TMEM242: variants seen among roughly 807,000 people sequenced by gnomAD.
TMEM242 encodes transmembrane protein 242, also known as UPF0463 transmembrane protein C6orf35.
TMEM242 carries 10 observed loss-of-function variants against 18.2 expected under a neutral mutation model. The observed-to-expected ratio is 0.55, with a 90% CI of 0.34 to 0.93. TMEM242 has a LOEUF of 0.93. Ranked by LOEUF, TMEM242 falls within the 40% of genes least tolerant of loss-of-function variation. The pLI is 0.02. For synonymous variants in TMEM242, 57 were observed against 69.9 expected, an observed-to-expected ratio of 0.81 and a Z score of 0.92; for missense variants, 186 against 175.5, an observed-to-expected ratio of 1.06 and a Z score of -0.34.
chr6:157,311,141 AGTGTG>A lies in TMEM242; in HGVS notation c.327+7636_327+7640del, dbSNP rs1778053196. Among the ~76,000 whole-genome samples, 2 of 95,876 alleles carry A rather than the reference AGTGTG, an allele frequency of 2.1e-5. 1 individual carries two copies. The highest frequency in any genetic ancestry group is 4.7e-5 in the Non-Finnish European group (2 of 42,432). 62.9% of individuals were successfully genotyped at this position (95,876 alleles called of 152,430 possible). A position where few individuals can be genotyped will look rare whatever the true frequency, so the allele number is the denominator to read the frequency against. ...TCACCTAGCCCCATCATAGTGTCCC[AGTGTG>A]CACTCACCTAGCCCCATCATAGTGT... On this transcript the variant is annotated intron_variant, in intron 3 of 3. Transcript: ENST00000400788.
Position 157,291,573 on chromosome 6 carries a change from A to C in TMEM242, c.*1328T>G, listed in dbSNP as rs1777684906. The C allele has an allele frequency of 6.6e-6, 1 of 152,250 alleles. No individual in the cohort carries two copies. The highest frequency in any genetic ancestry group is 1.5e-5 in the Non-Finnish European group (1 of 68,036). The allele number at this position is 152,250 out of a possible 1,614,324, so 9.4% of individuals were successfully genotyped here. ...TGAAGAGTTTTTGCTACCCGCATTC[A>C]CTGACCAATTTCACAATCCTTTCCT... On this transcript the variant is annotated 3_prime_UTR_variant, in exon 4 of 4. Transcript: ENST00000400788.
chr6:157,313,579 C>A (rs1778287480), intron 3 of TMEM242, among the ~76,000 whole-genome samples: 1 of 150,218 alleles, frequency 6.7e-6, no homozygotes, highest in South Asian at 2.1e-4. Flanking sequence ...ATCATAGTGT[C>A]CCAGTGTGCG....
At chr6:157,304,800 G>C (rs190613100) in intron 3 of TMEM242, among the ~76,000 whole-genome samples, 25 of 152,302 alleles carry the variant, frequency 1.6e-4, no homozygotes, top group Non-Finnish European at 2.5e-4. Flanking sequence ...GCTCTGAGGA[G>C]GTAAATTAAG....
intron 3 of TMEM242, among the ~76,000 whole-genome samples, chr6:157,315,835 C>T (rs782132898): frequency 1.3e-5 from 2 of 152,278 alleles, no homozygotes; most frequent in African/African-American, 4.8e-5. Context: ...CAATACCTCT[C>T]CTTCTTTGGA....
chr6:157,302,602 A>G (rs9346754), intron 3 of TMEM242, among the ~76,000 whole-genome samples: 37,768 of 152,118 alleles, frequency 0.25, 4,778 homozygotes, highest in South Asian at 0.39. Flanking sequence ...TTTATTTACA[A>G]TAAGTCTTGA....
intron 3 of TMEM242, among the ~76,000 whole-genome samples, chr6:157,310,646 T>A (rs62424353): frequency 1.2e-3 from 5 of 4,138 alleles, no homozygotes; most frequent in African/African-American, 1.9e-3. Flanking sequence ...GTCCCAGTGT[T>A]CGCTCACCCG....
intron 3 of TMEM242, among the ~76,000 whole-genome samples, chr6:157,308,229 G>C (rs970093822): frequency 1.7e-4 from 26 of 152,122 alleles, no homozygotes; most frequent in African/African-American, 6.0e-4. Context: ...AGGTGAATAG[G>C]TAAAAATAAT....
At position 157,308,358 on chromosome 6, in the gene TMEM242, T is replaced by A. The variant is rs1777944071; in HGVS notation, c.327+10424A>T. Reference sequence around the variant, plus strand: ...TAAGGCCCTCCAGTTGGTCATAAGGTTACTAAGAAGTGAGCCTAAATATTA... The same window carrying A: ...TAAGGCCCTCCAGTTGGTCATAAGGATACTAAGAAGTGAGCCTAAATATTA... On this transcript the variant is annotated intron_variant, in intron 3 of 3. Transcript: ENST00000400788. Among the ~76,000 whole-genome samples, 3 of 152,136 alleles carry A rather than the reference T, an allele frequency of 2.0e-5. No individual in the cohort carries two copies. In the South Asian group the frequency reaches 6.2e-4, roughly 32 times the overall value.
rs782818794 is a variant in TMEM242, at chr6:157,292,986, C to T, written c.341G>A (p.Arg114Gln). 3.0e-5 allele frequency: 49 copies of T among 1,612,122 alleles called. No individual in the cohort carries two copies. Among genetic ancestry groups the T allele is most frequent in the African/African-American group, 5.3e-5 (4 of 74,822 alleles). The change falls in exon 4 of 4, where the codon CGA becomes CAA. Residue 114 changes from arginine (R) to glutamine (Q), a missense_variant. Arg to Gln is a conservative substitution (Grantham distance 43). Transcript: ENST00000400788. ...TGGAAATATTGATTGCATTTTACTT[C>T]GAAAGTCGTTCATCTAAAAGAAGAA... ...ALGVHSMNDFRSKMQSIFPTI... is the reference protein window; with the variant it reads ...ALGVHSMNDFQSKMQSIFPTI...
chr6:157,309,391 T>C (rs1583561142), intron 3 of TMEM242, among the ~76,000 whole-genome samples: 1 of 152,138 alleles, frequency 6.6e-6, no homozygotes, highest in South Asian at 2.1e-4. Context: ...ATAAATACTG[T>C]TTTTGTTTGT....
At chr6:157,310,537 C>G in intron 3 of TMEM242, among the ~76,000 whole-genome samples, 1 of 149,034 alleles carries the variant, frequency 6.7e-6, no homozygotes, top group Admixed American at 6.6e-5. Flanking sequence ...TCATGGTATC[C>G]CAGTGTGCGC....
chr6:157,313,176 C>CGCTCACCTGGCCTCATCATAGTGCCTCAG (rs1583571110), intron 3 of TMEM242, among the ~76,000 whole-genome samples: 2 of 12,668 alleles, frequency 1.6e-4, no homozygotes, highest in African/African-American at 3.0e-4. Flanking sequence ...TAGTGTCCCA[C>CGCTCACCTGGCCTCATCATAGTGCCTCAG]TGTGCGCTCA....
At position 157,322,694 on chromosome 6, in the gene TMEM242, G is replaced by C. The variant is rs1778515061; in HGVS notation, c.189+11C>G. Reference sequence around the variant, plus strand: ...ATAACAATGCTATGAATGGATTTCAGTGTCACCAACCTTATTGAACCATTC... The same window carrying C: ...ATAACAATGCTATGAATGGATTTCACTGTCACCAACCTTATTGAACCATTC... On this transcript the variant is annotated intron_variant, in intron 2 of 3. Transcript: ENST00000400788. The C allele has an allele frequency of 1.9e-6, 3 of 1,602,374 alleles. No homozygotes were observed. The South Asian group carries it at 3.4e-5, about 18-fold the overall frequency.
At chr6:157,312,429 C>T (rs1778185548) in intron 3 of TMEM242, among the ~76,000 whole-genome samples, 1 of 126,890 alleles carries the variant, frequency 7.9e-6, no homozygotes, top group Non-Finnish European at 1.7e-5. Flanking sequence ...CATAGTGTCA[C>T]AGTGTGCACT....
chr6:157,307,364 C>G (rs1554248000), intron 3 of TMEM242, among the ~76,000 whole-genome samples: 1 of 152,158 alleles, frequency 6.6e-6, no homozygotes, highest in East Asian at 1.9e-4. Flanking sequence ...TGATTTGTCC[C>G]AGTCCTTGTC....
chr6:157,308,153 C>G (rs901725745), intron 3 of TMEM242, among the ~76,000 whole-genome samples: 7 of 152,176 alleles, frequency 4.6e-5, no homozygotes, highest in Admixed American at 4.6e-4. Flanking sequence ...CATTTCTAAG[C>G]TTTTTCACAG....
At chr6:157,310,670 G>A (rs1025155153) in intron 3 of TMEM242, among the ~76,000 whole-genome samples, 45 of 150,690 alleles carry the variant, frequency 3.0e-4, no homozygotes, top group Non-Finnish European at 4.0e-4. Flanking sequence ...TCATCATAGT[G>A]TCCCAGTGTG....
At chr6:157,317,090 A>G (rs1451700309) in intron 3 of TMEM242, among the ~76,000 whole-genome samples, 2 of 152,222 alleles carry the variant, frequency 1.3e-5, no homozygotes, top group African/African-American at 4.8e-5. Flanking sequence ...CATTCCCATC[A>G]GCATATACAT....
intron 3 of TMEM242, among the ~76,000 whole-genome samples, chr6:157,296,528 C>G (rs1293212608): frequency 6.6e-6 from 1 of 152,118 alleles, no homozygotes; most frequent in Non-Finnish European, 1.5e-5. Context: ...ACTAAAAATA[C>G]AAAAATTAGC....
Sources: gnomAD v4.1 joint callset for allele counts (sites outside exome capture counted in the v4.1 genomes callset) on GRCh38, gnomAD v4.1.1 for gene constraint, MANE v1.5 for transcripts, NCBI Gene and HGNC (gene_info 2026-07-23, HGNC 2026-07-21) for gene names.